KCNN2: variants seen among roughly 807,000 people sequenced by gnomAD.
KCNN2 encodes small conductance calcium-activated potassium channel protein 2.
In KCNN2, 24 loss-of-function variants were observed where a neutral mutation model predicts 55.5. The observed-to-expected ratio is 0.43, with a 90% CI of 0.31 to 0.61. The LOEUF is 0.61. Among genes scored for constraint, KCNN2 ranks in the 20% least tolerant of loss-of-function variants. The pLI is 0.08. For missense variants in KCNN2, 754 were observed against 853.6 expected (o/e 0.88, Z 1.45); for synonymous variants, 431 against 336.1 (o/e 1.28, Z -3.09).
intron 4 of KCNN2, among the ~76,000 whole-genome samples, chr5:114,469,746 G>A (rs1197324743): frequency 6.6e-6 from 1 of 152,150 alleles, no homozygotes; most frequent in Non-Finnish European, 1.5e-5. Flanking sequence ...CCATGAATAT[G>A]TTGGCAGGAA....
chr5:114,105,373 A>G (rs1751463661), intron 1 of KCNN2, among the ~76,000 whole-genome samples: 1 of 142,990 alleles, frequency 7.0e-6, no homozygotes, highest in Non-Finnish European at 1.5e-5. Flanking sequence ...AAAAGCCAAG[A>G]GCAAAAGCTA....
chr5:114,080,655 A>G (rs1284342546), intron 1 of KCNN2, among the ~76,000 whole-genome samples: 1 of 152,192 alleles, frequency 6.6e-6, no homozygotes, highest in African/African-American at 2.4e-5. Context: ...AAAAACACTA[A>G]ACATAGTAAG....
intron 1 of KCNN2, among the ~76,000 whole-genome samples, chr5:114,203,890 C>T (rs1042279036): frequency 2.6e-5 from 4 of 152,214 alleles, no homozygotes; most frequent in Non-Finnish European, 5.9e-5. Context: ...GAACGGATCA[C>T]ATGGGTAGCA....
At chr5:114,336,877 G>T (rs1338851206) in intron 2 of KCNN2, among the ~76,000 whole-genome samples, 1 of 152,156 alleles carries the variant, frequency 6.6e-6, no homozygotes, top group Non-Finnish European at 1.5e-5. Flanking sequence ...CACAGAGCAA[G>T]GGGAAGAGAG....
chr5:114,352,858 T>G lies in KCNN2; in HGVS notation c.-184-8087T>G, dbSNP rs75186800. ...TTGTGCACGTGAGAAAAATGTGTGTTCTGCTGTTGCTGAGGAGAATGTTCT... is the reference window on the plus strand; with the variant it reads ...TTGTGCACGTGAGAAAAATGTGTGTGCTGCTGTTGCTGAGGAGAATGTTCT... On this transcript the variant is annotated intron_variant, in intron 2 of 10. Transcript: ENST00000512097. Among the ~76,000 whole-genome samples the G allele has an allele frequency of 2.2e-4, 33 of 152,012 alleles. 1 individual carries two copies. In the East Asian group the frequency reaches 6.4e-3, roughly 29 times the overall value.
chr5:114,290,659 T>C (rs1238776933), intron 2 of KCNN2, among the ~76,000 whole-genome samples: 1 of 152,074 alleles, frequency 6.6e-6, no homozygotes, highest in Non-Finnish European at 1.5e-5. Flanking sequence ...TTCCTTAAGG[T>C]GGTAAGTTAG....
chr5:114,193,757 C>T (rs975165241), intron 1 of KCNN2, among the ~76,000 whole-genome samples: 4 of 152,108 alleles, frequency 2.6e-5, no homozygotes, highest in African/African-American at 9.6e-5. Flanking sequence ...CAGATCTGCC[C>T]CTACCCTAGA....
At chr5:114,451,714 G>T (rs1475842563) in intron 3 of KCNN2, among the ~76,000 whole-genome samples, 2 of 152,050 alleles carry the variant, frequency 1.3e-5, no homozygotes. Context: ...GCCTAACATG[G>T]TGAAACCCCA....
chr5:114,330,478 A>G (rs1020626888), intron 2 of KCNN2, among the ~76,000 whole-genome samples: 1 of 152,220 alleles, frequency 6.6e-6, no homozygotes, highest in African/African-American at 2.4e-5. Context: ...TGTATACAAC[A>G]TATCATTCAG....
intron 1 of KCNN2, among the ~76,000 whole-genome samples, chr5:114,067,216 G>A (rs929915582): frequency 1.3e-5 from 2 of 152,148 alleles, no homozygotes; most frequent in African/African-American, 4.8e-5. Context: ...TTCCTAGATG[G>A]CATATGGAGA....
chr5:114,250,374 A>G (rs1325423317), intron 2 of KCNN2, among the ~76,000 whole-genome samples: 2 of 152,172 alleles, frequency 1.3e-5, no homozygotes, highest in Admixed American at 6.5e-5. Flanking sequence ...GCCCACTCAG[A>G]TAGGGTCTCT....
intron 1 of KCNN2, among the ~76,000 whole-genome samples, chr5:114,213,252 C>T (rs1045283516): frequency 6.6e-6 from 1 of 151,952 alleles, no homozygotes; most frequent in African/African-American, 2.4e-5. Flanking sequence ...ATAGATATTG[C>T]CCATGAGTTT....
chr5:114,346,162 G>T (rs920131886), intron 2 of KCNN2, among the ~76,000 whole-genome samples: 1 of 152,164 alleles, frequency 6.6e-6, no homozygotes, highest in Non-Finnish European at 1.5e-5. Flanking sequence ...TGGGGTTGGG[G>T]AGCATAAACT....
chr5:114,472,248 A>G (rs1382464858), intron 4 of KCNN2, among the ~76,000 whole-genome samples: 1 of 152,180 alleles, frequency 6.6e-6, no homozygotes, highest in African/African-American at 2.4e-5. Flanking sequence ...GTCTTTCAGC[A>G]CAGAAGACTC....
chr5:114,159,625 T>C (rs1425893069), intron 1 of KCNN2, among the ~76,000 whole-genome samples: 1 of 152,158 alleles, frequency 6.6e-6, no homozygotes, highest in Non-Finnish European at 1.5e-5. Flanking sequence ...TGTGAGTCCA[T>C]CTGGTCCTGG....
chr5:114,250,224 T>C (rs1296224068), intron 2 of KCNN2, among the ~76,000 whole-genome samples: 1 of 152,202 alleles, frequency 6.6e-6, no homozygotes, highest in Non-Finnish European at 1.5e-5. Context: ...TGTTATATTA[T>C]AAACAAGCTA....
intron 1 of KCNN2, among the ~76,000 whole-genome samples, chr5:114,164,862 T>A (rs1196304638): frequency 6.6e-6 from 1 of 152,202 alleles, no homozygotes; most frequent in Non-Finnish European, 1.5e-5. Flanking sequence ...CCGTTTCTAT[T>A]ACTAATCGTA....
chr5:114,371,958 A>T (rs1223399650), intron 2 of KCNN2, among the ~76,000 whole-genome samples: 2 of 152,214 alleles, frequency 1.3e-5, no homozygotes, highest in Non-Finnish European at 2.9e-5. Flanking sequence ...AGTGACACGT[A>T]AAATTGTTAT....
intron 2 of KCNN2, among the ~76,000 whole-genome samples, chr5:114,313,914 C>A (rs758805328): frequency 6.6e-6 from 1 of 152,094 alleles, no homozygotes; most frequent in Non-Finnish European, 1.5e-5. Context: ...TTTGCTTCTT[C>A]TAAAATCACT....
Sources: allele counts gnomAD v4.1 joint callset (sites outside exome capture counted in the v4.1 genomes callset), GRCh38; gene constraint gnomAD v4.1.1; transcripts MANE v1.5; gene names NCBI Gene and HGNC (gene_info 2026-07-23, HGNC 2026-07-21).